The following CROCC variants were observed in gnomAD, a reference collection of about 807,000 sequenced individuals.
CROCC encodes rootletin.
In CROCC, 180 loss-of-function variants were observed where a neutral mutation model predicts 245.2. That is an observed-to-expected ratio of 0.73 (90% CI 0.65 to 0.83). CROCC has a LOEUF of 0.83. Among genes scored for constraint, CROCC ranks in the 40% least tolerant of loss-of-function variants. CROCC has a pLI of 0.00. For missense variants in CROCC, 2,688 were observed against 2,779.4 expected (o/e 0.97, Z 0.74); for synonymous variants, 1,205 against 1,241.6 (o/e 0.97, Z 0.62).
In CROCC at chr1:16,972,678, A is replaced by G. The variant is rs557560816; in HGVS notation, c.*232A>G. 250 of 412,388 alleles carry G rather than the reference A, an allele frequency of 6.1e-4. 3 individuals carry two copies. Among genetic ancestry groups the G allele is most frequent in the African/African-American group, 4.9e-3 (232 of 47,290 alleles). 25.5% of individuals were successfully genotyped at this position (412,388 alleles called of 1,614,324 possible). A position where few individuals can be genotyped will look rare whatever the true frequency, so the allele number is the denominator to read the frequency against. On this transcript the variant is annotated 3_prime_UTR_variant, in exon 37 of 37. Transcript: ENST00000375541. Reference sequence around the variant, plus strand: ...CTTCTAGGATGAGCCACTGTAGATCATTAAAGTTCCTCCTTGAGAGGCTGA... The same window carrying G: ...CTTCTAGGATGAGCCACTGTAGATCGTTAAAGTTCCTCCTTGAGAGGCTGA...
intron 31 of CROCC, 83 bp from the exon 32 acceptor site, chr1:16,969,033 T>C: frequency 7.6e-7 from 1 of 1,312,116 alleles, no homozygotes; most frequent in Non-Finnish European, 1.1e-6. Flanking sequence ...GGATTGGGCA[T>C]GCCAGGTGGA....
At position 16,958,629 on chromosome 1, in the gene CROCC, C is replaced by T. The variant is rs746866196; in HGVS notation, c.3911C>T (p.Ala1304Val). The T allele has an allele frequency of 6.4e-6, 10 of 1,555,630 alleles. No individual in the cohort carries two copies. Among genetic ancestry groups the T allele is most frequent in the African/African-American group, 1.4e-5 (1 of 73,488 alleles). Residue 1304 changes from alanine to valine, a missense_variant, in exon 26 of 37, where the codon GCG becomes GTG. Ala to Val is a moderately conservative substitution (Grantham distance 64, BLOSUM62 0). Transcript: ENST00000375541. ...SENTRLGREL[A>V]ELQGRLALGE... ...AACACCAGACTGGGCCGGGAGCTGGCGGAGCTGCAGGGCCGCCTGGCGCTG... is the reference window on the plus strand; with the variant it reads ...AACACCAGACTGGGCCGGGAGCTGGTGGAGCTGCAGGGCCGCCTGGCGCTG...
chr1:16,972,512 C>CT lies in CROCC; in HGVS notation c.*66_*67insT. 1 of 933,152 alleles carries CT rather than the reference C, an allele frequency of 1.1e-6. No individual in the cohort carries two copies. The highest frequency in any genetic ancestry group is 1.5e-6 in the Non-Finnish European group (1 of 661,820). The allele number at this position is 933,152 out of a possible 1,614,324, so 57.8% of individuals were successfully genotyped here. A position where few individuals can be genotyped will look rare whatever the true frequency, so the allele number is the denominator to read the frequency against. Reference sequence around the variant, plus strand: ...AGGGGAGGACCCTTCTTTTGGACAGCCCCCCCACCCAGAGCCCGGTCCCTT... The same window carrying CT: ...AGGGGAGGACCCTTCTTTTGGACAGCTCCCCCCACCCAGAGCCCGGTCCCTT... On this transcript the variant is annotated 3_prime_UTR_variant, in exon 37 of 37. Transcript: ENST00000375541.
intron 8 of CROCC, among the ~76,000 whole-genome samples, chr1:16,934,159 C>T (rs1213868879): frequency 6.6e-6 from 1 of 152,226 alleles, no homozygotes; most frequent in Non-Finnish European, 1.5e-5. Flanking sequence ...TCAAAGGCTG[C>T]AAAACTGTGA....
chr1:16,946,580 C>T (rs1209965732), intron 16 of CROCC, among the ~76,000 whole-genome samples, 175 bp downstream of exon 16: 1 of 152,294 alleles, frequency 6.6e-6, no homozygotes, highest in African/African-American at 2.4e-5. Flanking sequence ...CGTCAAAGCA[C>T]AGAAGTTCCA....
intron 36 of CROCC, 110 bp from the exon 37 acceptor site, chr1:16,972,250 A>T: frequency 1.2e-6 from 1 of 864,656 alleles, no homozygotes; most frequent in Non-Finnish European, 2.0e-6. Context: ...CAGTGAGACC[A>T]GACCTTTCCT....
chr1:16,955,474 A>G lies in CROCC; in HGVS notation c.3628A>G (p.Lys1210Glu), dbSNP rs769481629. ...ELRRSLGEGA[K>E]EREALRRSNE... The stretch of plus-strand genomic sequence containing the variant: ...GCGACGCAGCCTGGGCGAGGGTGCC[A>G]AGGAGCGCGAGGCCCTGCGGCGTTC... The change falls in exon 24 of 37, where the codon AAG becomes GAG. Residue 1210 changes from lysine to glutamate, a missense_variant. Transcript: ENST00000375541. 1.9e-6 allele frequency: 3 copies of G among 1,587,910 alleles called. No homozygotes were observed. Among genetic ancestry groups the G allele is most frequent in the Admixed American group, 3.5e-5 (2 of 56,416 alleles).
Position 16,940,022 on chromosome 1 carries a change from C to T in CROCC, c.1737C>T (p.Gly579=), listed in dbSNP as rs375526459. The T allele has an allele frequency of 1.3e-5, 21 of 1,611,332 alleles. No homozygotes were observed. The highest frequency in any genetic ancestry group is 4.4e-5 in the South Asian group (4 of 90,986). ...AGCGCCTGCGGGACAAGACCGACGG[C>T]GCCATGCAGGCCCACGAGGACGCCC... ...QLQRLRDKTD[G]AMQAHEDAQR... The change falls in exon 13 of 37, where the codon GGC becomes GGT. Residue 579 remains glycine (G), a synonymous_variant. Transcript: ENST00000375541.
chr1:16,916,099 C>A lies in CROCC; in HGVS notation n.126-14187C>A, dbSNP rs556921915. On this transcript the variant is annotated intron_variant and non_coding_transcript_variant, in intron 1 of 8. Transcript: ENST00000466256. ...GCTGAGGTAGGAGAATTGCTTGAAC[C>A]CAGGAGGTGGAGGTTGCAGTGAGCT... 3.9e-5 allele frequency among the ~76,000 whole-genome samples: 6 copies of A among 152,294 alleles called. No individual in the cohort carries two copies. The East Asian group carries it at 1.2e-3, about 29-fold the overall frequency.
chr1:16,957,061 C>T (rs11589410), intron 25 of CROCC, among the ~76,000 whole-genome samples: 8,488 of 152,254 alleles, frequency 0.056, 310 homozygotes, highest in African/African-American at 0.088. Context: ...TGCTTGAGCC[C>T]AGGAGTTCGA....
rs1286597311 is a variant in CROCC, at chr1:16,966,653, G to T, written c.4860+82G>T. On this transcript the variant is annotated intron_variant, in intron 30 of 36. Coordinates refer to ENST00000375541, the MANE Select transcript of CROCC (RefSeq NM_014675.5). The surrounding 1 kb of genome is among the most constrained non-coding windows in gnomAD (Gnocchi z 4.8). ...GTCTAACTCTTATGTGTGTCTCCCT[G>T]TGTCTGTCTGCCTGAGTCTCTCTGC... 1.7e-5 allele frequency: 24 copies of T among 1,394,060 alleles called. No homozygotes were observed. Among genetic ancestry groups the T allele is most frequent in the Non-Finnish European group, 2.2e-5 (24 of 1,067,716 alleles). The allele number at this position is 1,394,060 out of a possible 1,614,324, so 86.4% of individuals were successfully genotyped here.
In CROCC at chr1:16,953,328, C is replaced by T. The variant is rs926122911; in HGVS notation, c.3033C>T (p.Ala1011=). Residue 1011 remains alanine (A), a synonymous_variant, in exon 21 of 37, where the codon GCC becomes GCT. Transcript: ENST00000375541. ...AGGCAGCATGGCGGGAGCTGGAGGC[C>T]GAGCGGGCCCAGCTGCAGAGTCAGC... The part of the protein sequence containing the change: ...EKEAAWRELE[A]ERAQLQSQLQ... 5.0e-6 allele frequency: 8 copies of T among 1,595,014 alleles called. No homozygotes were observed. Among genetic ancestry groups the T allele is most frequent in the South Asian group, 2.3e-5 (2 of 88,550 alleles).
Position 16,937,746 on chromosome 1 carries a change from C to T in CROCC, c.1290+9C>T, listed in dbSNP as rs764577527. 6.2e-7 allele frequency: 1 copy of T among 1,604,056 alleles called. No individual in the cohort carries two copies. Among genetic ancestry groups the T allele is most frequent in the South Asian group, 1.1e-5 (1 of 90,136 alleles). On this transcript the variant is annotated intron_variant, in intron 10 of 36. Coordinates refer to ENST00000375541, the MANE Select transcript of CROCC (RefSeq NM_014675.5). ...AGAAGCTTGAGGCCCTGGTGAGCTG[C>T]AGGTGCCCCTGAGATGGGGCAGGGT...
Position 16,972,593 on chromosome 1 carries a change from G to A in CROCC, c.*147G>A, listed in dbSNP as rs1570731634. The A allele has an allele frequency of 3.5e-6, 2 of 567,514 alleles. No homozygotes were observed. Among genetic ancestry groups the A allele is most frequent in the Non-Finnish European group, 6.2e-6 (2 of 320,480 alleles). The allele number at this position is 567,514 out of a possible 1,614,324, so 35.2% of individuals were successfully genotyped here. A position where few individuals can be genotyped will look rare whatever the true frequency, so the allele number is the denominator to read the frequency against. ...GCGCTCTGCTGGCAGTGCTGAGGAC[G>A]GGTACTCCAGCTCCAGGCCTGGAGA... is the stretch of plus-strand genomic sequence containing the variant. On this transcript the variant is annotated 3_prime_UTR_variant, in exon 37 of 37. Transcript: ENST00000375541.
At position 16,931,417 on chromosome 1, in the gene CROCC, G is replaced by T. The variant is rs189550399; in HGVS notation, c.956+20G>T. On this transcript the variant is annotated intron_variant, in intron 8 of 36. Coordinates refer to ENST00000375541, the MANE Select transcript of CROCC (RefSeq NM_014675.5). ...TGAGAGGTGAGGCCTGGCCGGGGAC[G>T]GGGCAGCAGCTGAGAGCCAGCCCTG... 46 of 1,598,414 alleles carry T rather than the reference G, an allele frequency of 2.9e-5. No individual in the cohort carries two copies. In the Admixed American group the frequency reaches 5.2e-4, roughly 18 times the overall value.
intron 30 of CROCC, 152 bp from the exon 31 acceptor site, chr1:16,968,051 C>T: frequency 2.9e-6 from 2 of 695,444 alleles, no homozygotes; most frequent in East Asian, 5.4e-5. Flanking sequence ...CATGGGGAGA[C>T]CGAGGACCCC....
intron 3 of CROCC, among the ~76,000 whole-genome samples, chr1:16,927,571 C>T (rs1183573297): frequency 6.6e-6 from 1 of 152,276 alleles, no homozygotes; most frequent in African/African-American, 2.4e-5. Context: ...TAGCCGTTCA[C>T]GGGAAGGCTC....
intron 2 of CROCC, 58 bp downstream of exon 2, chr1:16,922,856 G>GC: frequency 6.3e-7 from 1 of 1,576,692 alleles, no homozygotes; most frequent in East Asian, 2.2e-5. Context: ...CTCTTCTCAT[G>GC]TCCCTTTCCT....
chr1:16,968,977 C>T (rs979906078), intron 31 of CROCC, 139 bp from the exon 32 acceptor site: 16 of 867,500 alleles, frequency 1.8e-5, no homozygotes, highest in Non-Finnish European at 2.7e-5. Flanking sequence ...TGCTTAGGAA[C>T]ACTGGGTCTC....
Sources: gnomAD v4.1 joint callset for allele counts (sites outside exome capture counted in the v4.1 genomes callset) on GRCh38, gnomAD v4.1.1 for gene constraint, Gnocchi (gnomAD v3.1) non-coding constraint, MANE v1.5 for transcripts, NCBI Gene and HGNC (gene_info 2026-07-23, HGNC 2026-07-21) for gene names.